FHIT: variants seen among roughly 807,000 people sequenced by gnomAD.
The protein encoded by FHIT is bis(5'-adenosyl)-triphosphatase.
In FHIT, 19 loss-of-function variants were observed where a neutral mutation model predicts 17.9. The observed-to-expected ratio is 1.06, with a 90% confidence interval of 0.74 to 1.56. The LOEUF is 1.56. Ranked by LOEUF, FHIT falls within the 40% of genes most tolerant of loss-of-function variation. The pLI, the probability that FHIT is intolerant of heterozygous loss-of-function variation, is 0.00. For synonymous variants in FHIT, 81 were observed against 69.7 expected (o/e 1.16, Z -0.81); for missense variants, 248 against 189.2 (o/e 1.31, Z -1.82).
intron 8 of FHIT, among the ~76,000 whole-genome samples, chr3:59,773,158 T>C (rs1702150355): frequency 6.6e-6 from 1 of 152,176 alleles, no homozygotes; most frequent in Non-Finnish European, 1.5e-5. Context: ...GCCCCTGTCT[T>C]CATTCTCACA....
At chr3:60,940,684 T>C (rs1459724535) in intron 3 of FHIT, among the ~76,000 whole-genome samples, 1 of 152,156 alleles carries the variant, frequency 6.6e-6, no homozygotes, top group African/African-American at 2.4e-5. Flanking sequence ...TATTTCATAG[T>C]GTTCTGAAAA....
chr3:61,101,266 G>A (rs941727181), intron 2 of FHIT, among the ~76,000 whole-genome samples: 1 of 152,168 alleles, frequency 6.6e-6, no homozygotes, highest in African/African-American at 2.4e-5. Context: ...TCCAGTTTCA[G>A]CTTTCTACAT....
chr3:60,077,729 C>CACACACACACATATATAT lies in FHIT; in HGVS notation c.104-63578_104-63577insATATATATGTGTGTGTGT, dbSNP rs1559611496. Among the ~76,000 whole-genome samples, 12 of 67,248 alleles carry CACACACACACATATATAT rather than the reference C, an allele frequency of 1.8e-4. 1 individual carries two copies. In the South Asian group the frequency reaches 4.0e-3, roughly 22 times the overall value. The allele number at this position is 67,248 out of a possible 152,430, so 44.1% of individuals were successfully genotyped here. A position where few individuals can be genotyped will look rare whatever the true frequency, so the allele number is the denominator to read the frequency against. On this transcript the variant is annotated intron_variant, in intron 5 of 9. Coordinates refer to ENST00000492590, the MANE Select transcript of FHIT (RefSeq NM_002012.4). ...ACACACACACACACACACACACACA[C>CACACACACACATATATAT]ATATATAGAGGGGGGGGGGAGGATA... is the stretch of plus-strand genomic sequence containing the variant.
intron 5 of FHIT, among the ~76,000 whole-genome samples, chr3:60,452,425 G>A (rs1221664649): frequency 6.6e-6 from 1 of 152,138 alleles, no homozygotes; most frequent in East Asian, 1.9e-4. Flanking sequence ...TGGAAAGTAA[G>A]TGGTAACATA....
chr3:60,789,169 T>G (rs1266253030), intron 4 of FHIT, among the ~76,000 whole-genome samples: 1 of 124,984 alleles, frequency 8.0e-6, no homozygotes, highest in Non-Finnish European at 1.7e-5. Flanking sequence ...TATATATATA[T>G]ATATATAGAG....
At chr3:59,998,660 T>C (rs2107493856) in intron 7 of FHIT, among the ~76,000 whole-genome samples, 1 of 152,214 alleles carries the variant, frequency 6.6e-6, no homozygotes, top group East Asian at 1.9e-4. Context: ...CCAGCCAGTC[T>C]CAGGTATAAT....
chr3:59,883,919 A>G (rs1360465411), intron 8 of FHIT, among the ~76,000 whole-genome samples: 1 of 152,190 alleles, frequency 6.6e-6, no homozygotes, highest in African/African-American at 2.4e-5. Flanking sequence ...TTAGTGTTCT[A>G]TATCTATTAT....
chr3:61,013,715 T>C (rs1324665371), intron 3 of FHIT, among the ~76,000 whole-genome samples: 1 of 152,196 alleles, frequency 6.6e-6, no homozygotes, highest in Non-Finnish European at 1.5e-5. Flanking sequence ...CCCTTTCAAA[T>C]AGAAGATGGC....
intron 5 of FHIT, among the ~76,000 whole-genome samples, chr3:60,148,834 G>A (rs1037929335): frequency 2.0e-5 from 3 of 152,116 alleles, no homozygotes; most frequent in Non-Finnish European, 4.4e-5. Context: ...TCTTAATAAA[G>A]GCAGTGCTTC....
At chr3:60,853,319 A>C (rs941566261) in intron 3 of FHIT, among the ~76,000 whole-genome samples, 1 of 152,108 alleles carries the variant, frequency 6.6e-6, no homozygotes, top group Non-Finnish European at 1.5e-5. Flanking sequence ...GATGTCTATG[A>C]TGTATTTGTC....
At chr3:60,768,225 T>A (rs1029631365) in intron 4 of FHIT, among the ~76,000 whole-genome samples, 1 of 152,190 alleles carries the variant, frequency 6.6e-6, no homozygotes, top group Non-Finnish European at 1.5e-5. Context: ...GAGGTATTGT[T>A]CCACGTTAAT....
At chr3:60,816,739 T>C (rs1200392719) in intron 4 of FHIT, among the ~76,000 whole-genome samples, 1 of 151,980 alleles carries the variant, frequency 6.6e-6, no homozygotes, top group African/African-American at 2.4e-5. Context: ...ATCAGGGTGA[T>C]GCACAGAATG....
At chr3:60,075,804 C>A (rs1702981779) in intron 5 of FHIT, among the ~76,000 whole-genome samples, 1 of 152,056 alleles carries the variant, frequency 6.6e-6, no homozygotes. Flanking sequence ...GGTCCTGAGG[C>A]CTGGCATTCT....
intron 5 of FHIT, among the ~76,000 whole-genome samples, chr3:60,501,403 T>G (rs1053564668): frequency 9.2e-5 from 14 of 152,318 alleles, no homozygotes; most frequent in African/African-American, 3.4e-4. Context: ...TCTATAGATA[T>G]TTTTTCTTTT....
At chr3:61,250,336 T>C (rs1342530300) in intron 1 of FHIT, among the ~76,000 whole-genome samples, 7 of 152,262 alleles carry the variant, frequency 4.6e-5, no homozygotes, top group African/African-American at 1.7e-4. Context: ...CTTGGTAGTC[T>C]GGGCCCGGCC....
intron 5 of FHIT, among the ~76,000 whole-genome samples, chr3:60,184,548 T>C (rs569645040): frequency 6.6e-6 from 1 of 152,336 alleles, no homozygotes; most frequent in African/African-American, 2.4e-5. Flanking sequence ...CATCACATCA[T>C]AGCAACGTCC....
intron 5 of FHIT, among the ~76,000 whole-genome samples, chr3:60,247,749 C>A (rs1705475907): frequency 6.6e-6 from 1 of 152,110 alleles, no homozygotes; most frequent in Non-Finnish European, 1.5e-5. Context: ...ATTTTCATAA[C>A]ATCTTATGCC....
At chr3:59,920,269 T>C (rs1399130216) in intron 8 of FHIT, among the ~76,000 whole-genome samples, 1 of 152,230 alleles carries the variant, frequency 6.6e-6, no homozygotes, top group African/African-American at 2.4e-5. Flanking sequence ...GTTTCTAGAC[T>C]TCAATCTCTA....
At chr3:60,152,464 G>C (rs1229081542) in intron 5 of FHIT, among the ~76,000 whole-genome samples, 1 of 152,150 alleles carries the variant, frequency 6.6e-6, no homozygotes, top group East Asian at 1.9e-4. Context: ...ACTTCCAGAA[G>C]GTCAAGAGAT....
Sources: allele counts gnomAD v4.1 joint callset (sites outside exome capture counted in the v4.1 genomes callset), GRCh38; gene constraint gnomAD v4.1.1; transcripts MANE v1.5; gene names NCBI Gene and HGNC (gene_info 2026-07-23, HGNC 2026-07-21).